The following CGREF1 variants were observed in gnomAD, a reference collection of about 807,000 sequenced individuals.
The protein encoded by CGREF1 is cell growth regulator with EF-hand domain 1.
A neutral mutation model predicts 17.4 loss-of-function variants in CGREF1; 16 were observed. The observed-to-expected ratio is 0.92, with a 90% CI of 0.62 to 1.40. The LOEUF (loss-of-function observed/expected upper bound fraction) is 1.40, where lower values mean the gene tolerates loss of function less well. CGREF1 is among the 40% of genes most tolerant of loss of function. The pLI is 0.00. For missense variants in CGREF1, 296 were observed against 376.4 expected (o/e 0.79, Z 1.77); for synonymous variants, 142 against 154.6 (o/e 0.92, Z 0.61).
At chr2:27,105,560 T>TTTTG (rs869045243) in intron 1 of CGREF1, among the ~76,000 whole-genome samples, 3 of 51,564 alleles carry the variant, frequency 5.8e-5, no homozygotes, top group Non-Finnish European at 1.4e-4. Flanking sequence ...TTTTTCTTTT[T>TTTTG]TTTTGAGAAG....
At chr2:27,116,882 T>C (rs1398235159) in intron 1 of CGREF1, among the ~76,000 whole-genome samples, 8 of 56,730 alleles carry the variant, frequency 1.4e-4, no homozygotes, top group Non-Finnish European at 2.9e-4. Flanking sequence ...TCTCTCTCTC[T>C]CTCTCTCTCT....
In CGREF1 at chr2:27,104,337, G is replaced by C. The variant is rs1422749977; in HGVS notation, c.30C>G (p.Ile10Met). The C allele has an allele frequency of 2.5e-6, 4 of 1,603,732 alleles. No homozygotes were observed. The highest frequency in any genetic ancestry group is 1.7e-5 in the Admixed American group (1 of 59,444). The stretch of plus-strand genomic sequence containing the variant: ...CCTGACCCGTGGGGAGCAGCAGCAG[G>C]ATTAACACTGTCATCGTCAAAGGTA... MLPLTMTVL[I>M]LLLLPTGQAA... Residue 10 changes from isoleucine (I) to methionine (M), a missense_variant, in exon 2 of 6, where the codon ATC (isoleucine) becomes ATG (methionine). By Grantham distance (10) the Ile-to-Met change is conservative. Coordinates refer to ENST00000402394, the MANE Select transcript of CGREF1 (RefSeq NM_006569.6).
chr2:27,099,779 G>T (rs758072983), downstream of CGREF1: 1 of 1,611,012 alleles, frequency 6.2e-7, no homozygotes, highest in Non-Finnish European at 8.5e-7. Context: ...CACACACCAT[G>T]GAGACTACCA....
intron 2 of CGREF1, chr2:27,103,239 G>GCTGTTC (rs1355041074): frequency 9.9e-6 from 3 of 302,972 alleles, no homozygotes; most frequent in Non-Finnish European, 9.7e-6. Flanking sequence ...AGCCCCTGTG[G>GCTGTTC]CTGTTCCTGT....
chr2:27,110,266 G>A (rs1671313255), intron 1 of CGREF1, among the ~76,000 whole-genome samples: 1 of 152,128 alleles, frequency 6.6e-6, no homozygotes, highest in South Asian at 2.1e-4. Flanking sequence ...GCTGGGTGTG[G>A]TGACATACAT....
intron 1 of CGREF1, among the ~76,000 whole-genome samples, chr2:27,116,872 T>TCC (rs1491506322): frequency 4.7e-4 from 6 of 12,806 alleles, no homozygotes; most frequent in East Asian, 2.5e-3. Flanking sequence ...CCAGGCCTAT[T>TCC]CTCTCTCTCT....
Position 27,102,227 on chromosome 2 carries a change from G to A in CGREF1, c.218-6C>T, listed in dbSNP as rs778778923. ...GGCAAAGAGGTAGAGGAGAACTAAA[G>A]AGAAGAGAAGCTGGATTAGAAGAGG... On this transcript the variant is annotated splice_polypyrimidine_tract_variant and splice_region_variant and intron_variant, in intron 4 of 5. Coordinates refer to ENST00000402394, the MANE Select transcript of CGREF1 (RefSeq NM_006569.6). 33 of 1,610,960 alleles carry A rather than the reference G, an allele frequency of 2.0e-5. No individual in the cohort carries two copies. Among genetic ancestry groups the A allele is most frequent in the Non-Finnish European group, 2.5e-5 (30 of 1,177,500 alleles).
In CGREF1 at chr2:27,101,704, G is replaced by A. The variant is rs746330605; in HGVS notation, c.527C>T (p.Pro176Leu). ...VGRQSLLAKS[P>L]LRQETQEAPG... is the part of the protein sequence containing the mutation. ...GGCTTCCTGTGTTTCTTGTCTTAATGGGCTTTTAGCTAATAGGGACTGCCT... is the reference window on the plus strand; with the variant it reads ...GGCTTCCTGTGTTTCTTGTCTTAATAGGCTTTTAGCTAATAGGGACTGCCT... Residue 176 changes from proline to leucine, a missense_variant, in exon 6 of 6, where the codon CCA becomes CTA. By Grantham distance (98) the Pro-to-Leu change is moderately conservative (BLOSUM62 -3). This residue lies in a region of CGREF1 where 247 missense variants were observed against 267.2 expected (regional missense o/e 0.92). Transcript: ENST00000402394. 2.8e-5 allele frequency: 45 copies of A among 1,614,122 alleles called. No homozygotes were observed. The South Asian group carries it at 4.6e-4, about 17-fold the overall frequency.
chr2:27,109,885 C>CAAAAAAA (rs55824603), intron 1 of CGREF1, among the ~76,000 whole-genome samples: 3 of 65,836 alleles, frequency 4.6e-5, no homozygotes, highest in African/African-American at 1.7e-4. Context: ...GACTCCGTCT[C>CAAAAAAA]AAAAAAAAAA....
At chr2:27,103,759 C>T (rs927018307) in intron 2 of CGREF1, among the ~76,000 whole-genome samples, 6 of 150,216 alleles carry the variant, frequency 4.0e-5, no homozygotes, top group African/African-American at 7.3e-5. Flanking sequence ...CCGATGTGGG[C>T]GGATCACAAG....
chr2:27,108,270 AAAAAAT>A (rs1209581263), intron 1 of CGREF1, among the ~76,000 whole-genome samples: 1 of 152,180 alleles, frequency 6.6e-6, no homozygotes, highest in Admixed American at 6.5e-5. Context: ...TAAATAAAAT[AAAAAAT>A]AAAAATAAAA....
intron 1 of CGREF1, among the ~76,000 whole-genome samples, chr2:27,109,372 A>C (rs1166474046): frequency 1.1e-4 from 3 of 27,436 alleles, no homozygotes; most frequent in African/African-American, 2.7e-4. Flanking sequence ...ACCCTGTCTT[A>C]AAAAAAAAAA....
intron 1 of CGREF1, among the ~76,000 whole-genome samples, chr2:27,111,880 G>A (rs369679892): frequency 1.3e-5 from 2 of 152,210 alleles, no homozygotes; most frequent in Non-Finnish European, 2.9e-5. Context: ...TGAAGGAGCC[G>A]GCTCCGGCCT....
chr2:27,101,957 A>AC, intron 5 of CGREF1, 69 bp from the exon 6 acceptor site: 1 of 1,579,716 alleles, frequency 6.3e-7, no homozygotes, highest in African/African-American at 1.3e-5. Context: ...ACCCTCCCTA[A>AC]CACACCCTTG....
chr2:27,104,546 A>G (rs1671043040), intron 1 of CGREF1, 169 bp from the exon 2 acceptor site: 1 of 1,550,690 alleles, frequency 6.4e-7, no homozygotes, highest in African/African-American at 1.4e-5. Context: ...GATCCCATGG[A>G]ACTATGCTCA....
intron 1 of CGREF1, among the ~76,000 whole-genome samples, chr2:27,117,134 A>C (rs952631595): frequency 6.7e-6 from 1 of 148,626 alleles, no homozygotes; most frequent in African/African-American, 2.5e-5. Context: ...GCTGTTCTCG[A>C]ACCCCTGATC....
At position 27,101,435 on chromosome 2, in the gene CGREF1, CA is replaced by C. The variant is rs1558457125; in HGVS notation, c.795del (p.Glu266LysfsTer56). On this transcript the variant is annotated frameshift_variant, in exon 6 of 6. Coordinates refer to ENST00000402394, the MANE Select transcript of CGREF1 (RefSeq NM_006569.6). LOFTEE classifies it low-confidence loss of function (END_TRUNC). ...PRGEAGGQAEAEGDAPGPRGE... is the reference protein window; with the variant it reads ...PRGEAGGQAEXEGDAPGPRGE... ...CCTCTGGGCCCGGGGGCATCTCCTT[CA>C]GCCTCTGCCTGGCCCCCAGCTTCCC... 6 of 1,058,744 alleles carry C rather than the reference CA, an allele frequency of 5.7e-6. No individual in the cohort carries two copies. The highest frequency in any genetic ancestry group is 5.6e-5 in the South Asian group (2 of 35,542). The allele number at this position is 1,058,744 out of a possible 1,614,324, so 65.6% of individuals were successfully genotyped here. A position where few individuals can be genotyped will look rare whatever the true frequency, so the allele number is the denominator to read the frequency against.
chr2:27,112,762 G>T (rs916731266), intron 1 of CGREF1, among the ~76,000 whole-genome samples: 1 of 152,120 alleles, frequency 6.6e-6, no homozygotes, highest in African/African-American at 2.4e-5. Context: ...AACTCAGAAA[G>T]TTTAAAAGGA....
rs1398101907 is a variant in CGREF1 at position 27,100,712 on chromosome 2, TTG to T, written c.*560_*561del. The T allele has an allele frequency of 1.3e-5, 14 of 1,119,198 alleles. No individual in the cohort carries two copies. The highest frequency in any genetic ancestry group is 5.8e-4 in the Middle Eastern group (2 of 3,476). The allele number at this position is 1,119,198 out of a possible 1,614,324, so 69.3% of individuals were successfully genotyped here. On this transcript the variant is annotated 3_prime_UTR_variant, in exon 6 of 6. Transcript: ENST00000402394. ...CCAATTCTGCTTGGCTACAGAATTA[TTG>T]TGAGGATAAAATCATATATAAAATG...
Sources: allele counts gnomAD v4.1 joint callset (sites outside exome capture counted in the v4.1 genomes callset), GRCh38; gene constraint gnomAD v4.1.1; regional missense constraint gnomAD v4.1.1; transcripts MANE v1.5; gene names NCBI Gene and HGNC (gene_info 2026-07-23, HGNC 2026-07-21).